The following WTIP variants were observed in gnomAD, a reference collection of about 807,000 sequenced individuals.
The protein encoded by WTIP is Wilms tumor protein 1-interacting protein.
WTIP carries 23 observed loss-of-function variants against 41.7 expected under a neutral mutation model. That is an observed-to-expected ratio of 0.55 (90% CI 0.40 to 0.78). WTIP has a LOEUF of 0.78. Among genes scored for constraint, WTIP ranks in the 30% least tolerant of loss-of-function variants. WTIP has a pLI of 0.00. For missense variants in WTIP, 619 were observed against 610.5 expected (o/e 1.01, Z -0.15); for synonymous variants, 314 against 269.9 (o/e 1.16, Z -1.60).
rs781203021 is a variant in WTIP at position 34,490,406 on chromosome 19, A to G, written c.698A>G (p.Tyr233Cys). Reference sequence around the variant, plus strand: ...TGCATCAAGTGTGGGCTTGGCATCTACGGAGCCCAGCAGGCGTGCCAGGCA... The same window carrying G: ...TGCATCAAGTGTGGGCTTGGCATCTGCGGAGCCCAGCAGGCGTGCCAGGCA... ...GICIKCGLGI[Y>C]GAQQACQAMG... Residue 233 changes from tyrosine (Y) to cysteine (C), a missense_variant, in exon 2 of 8, where the codon TAC (tyrosine) becomes TGC (cysteine). Physicochemically the swap from Tyr to Cys is radical, Grantham distance 194 (BLOSUM62 -2). Around this residue, in one of 3 missense-constraint regions of WTIP, gnomAD observed 164 missense variants for 219.1 expected, o/e 0.75. Transcript: ENST00000590071. 1.2e-5 allele frequency: 20 copies of G among 1,613,790 alleles called. No individual in the cohort carries two copies. In the Admixed American group the frequency reaches 1.3e-4, roughly 11 times the overall value.
intron 1 of WTIP, among the ~76,000 whole-genome samples, chr19:34,483,917 C>CT (rs61308943): frequency 0.023 from 1,525 of 66,878 alleles, 228 homozygotes; most frequent in African/African-American, 0.026. Context: ...TGAACTGGAT[C>CT]TTTTTTTTTT....
chr19:34,490,464 C>T lies in WTIP; in HGVS notation c.756C>T (p.Thr252=), dbSNP rs2075820033. Residue 252 remains threonine (T), a synonymous_variant, in exon 2 of 8, where the codon ACC becomes ACT. Coordinates refer to ENST00000590071, the MANE Select transcript of WTIP (RefSeq NM_001080436.2). ...GTCTTTATCACACTGACTGCTTCAC[C>T]TGCGACTCGTGTGGTAGGTAACCTC... The part of the protein sequence containing the change: ...MGSLYHTDCF[T]CDSCGRRLRG... 6.2e-7 allele frequency: 1 copy of T among 1,613,940 alleles called. No individual in the cohort carries two copies. Among genetic ancestry groups the T allele is most frequent in the Non-Finnish European group, 8.5e-7 (1 of 1,179,852 alleles).
In WTIP at chr19:34,482,585, C is replaced by T. The variant is rs1190764873; in HGVS notation, c.611C>T (p.Ala204Val). 6.5e-6 allele frequency: 8 copies of T among 1,230,564 alleles called. No individual in the cohort carries two copies. In the South Asian group the frequency reaches 3.3e-4, roughly 50 times the overall value. 76.2% of individuals were successfully genotyped at this position (1,230,564 alleles called of 1,614,324 possible). A position where few individuals can be genotyped will look rare whatever the true frequency, so the allele number is the denominator to read the frequency against. The change falls in exon 1 of 8, where the codon GCG becomes GTG. Residue 204 changes from alanine to valine, a missense_variant. Physicochemically the swap from Ala to Val is moderately conservative, Grantham distance 64. Transcript: ENST00000590071. ...AGCGCGGCCGAGCGGCGGCTGGAGG[C>T]GCTCACCCGGGAGCTGGAGCGGGCG... ...GPSAAERRLEALTRELERALE... is the reference protein window; with the variant it reads ...GPSAAERRLEVLTRELERALE...
At position 34,511,263 on chromosome 19, in the gene WTIP, G is replaced by A. The variant is rs1489656145; in HGVS notation, c.*10994G>A. 1 of 152,148 alleles carries A rather than the reference G, an allele frequency of 6.6e-6. No homozygotes were observed. The highest frequency in any genetic ancestry group is 1.5e-5 in the Non-Finnish European group (1 of 68,068). The allele number at this position is 152,148 out of a possible 1,614,324, so 9.4% of individuals were successfully genotyped here. A position where few individuals can be genotyped will look rare whatever the true frequency, so the allele number is the denominator to read the frequency against. On this transcript the variant is annotated 3_prime_UTR_variant, in exon 8 of 8. Transcript: ENST00000590071. ...GTGGTAGCGGCAAGAGAAAATGAAG[G>A]GTGCAAAAGCGGAAACCCTCGATAA...
chr19:34,505,335 C>G lies in WTIP; in HGVS notation c.*5066C>G, dbSNP rs1262572104. 2 of 152,312 alleles carry G rather than the reference C, an allele frequency of 1.3e-5. No homozygotes were observed. Among genetic ancestry groups the G allele is most frequent in the Non-Finnish European group, 2.9e-5 (2 of 68,148 alleles). The allele number at this position is 152,312 out of a possible 1,614,324, so 9.4% of individuals were successfully genotyped here. ...GTGGACGCGGCTCCTCTCCTTCCACCCACTTCCCTGGCCCTGAGGGCATTG... is the reference window on the plus strand; with the variant it reads ...GTGGACGCGGCTCCTCTCCTTCCACGCACTTCCCTGGCCCTGAGGGCATTG... On this transcript the variant is annotated 3_prime_UTR_variant, in exon 8 of 8. Transcript: ENST00000590071.
intron 1 of WTIP, among the ~76,000 whole-genome samples, chr19:34,486,959 C>A (rs1361976794): frequency 2.7e-5 from 4 of 150,776 alleles, no homozygotes; most frequent in Non-Finnish European, 4.4e-5. Flanking sequence ...GAGACAGGAT[C>A]TAGCTCTGTT....
intron 2 of WTIP, among the ~76,000 whole-genome samples, chr19:34,491,073 C>T (rs112329803): frequency 6.6e-6 from 1 of 151,936 alleles, no homozygotes; most frequent in Admixed American, 6.6e-5. Context: ...AGTGATCCGC[C>T]TGCCTCGGCC....
Position 34,482,347 on chromosome 19 carries a change from C to G in WTIP, c.373C>G (p.Arg125Gly), listed in dbSNP as rs1465584190. The G allele has an allele frequency of 7.2e-7, 1 of 1,384,720 alleles. No individual in the cohort carries two copies. Among genetic ancestry groups the G allele is most frequent in the Non-Finnish European group, 9.4e-7 (1 of 1,063,952 alleles). 85.8% of individuals were successfully genotyped at this position (1,384,720 alleles called of 1,614,324 possible). A position where few individuals can be genotyped will look rare whatever the true frequency, so the allele number is the denominator to read the frequency against. The change falls in exon 1 of 8, where the codon CGC becomes GGC. Residue 125 changes from arginine (R) to glycine (G), a missense_variant. This residue lies in a region of WTIP where 363 missense variants were observed against 309.0 expected (regional missense o/e 1.17). Coordinates refer to ENST00000590071, the MANE Select transcript of WTIP (RefSeq NM_001080436.2). ...DQRHGSPRSG[R>G]SDPRPGPGPP... ...GCGCCACGGCAGCCCGCGCTCCGGTCGCTCGGACCCGCGTCCCGGTCCCGG... is the reference window on the plus strand; with the variant it reads ...GCGCCACGGCAGCCCGCGCTCCGGTGGCTCGGACCCGCGTCCCGGTCCCGG...
chr19:34,491,765 C>T (rs746173669), intron 2 of WTIP, among the ~76,000 whole-genome samples: 2 of 152,174 alleles, frequency 1.3e-5, no homozygotes, highest in Non-Finnish European at 2.9e-5. Flanking sequence ...CTGCCTCAGC[C>T]TCCCGAGTAG....
In WTIP at chr19:34,482,546, G is replaced by A. The variant is rs1230026447; in HGVS notation, c.572G>A (p.Arg191Gln). Residue 191 changes from arginine (R) to glutamine (Q), a missense_variant, in exon 1 of 8, where the codon CGG becomes CAG. Arg to Gln is a conservative substitution (Grantham distance 43, BLOSUM62 1). Coordinates refer to ENST00000590071, the MANE Select transcript of WTIP (RefSeq NM_001080436.2). ...PLPALPLPPG[R>Q]EGGPSAAERR... ...CCTGCACTCCCGCTGCCCCCTGGCCGGGAGGGCGGCCCAAGCGCGGCCGAG... is the reference window on the plus strand; with the variant it reads ...CCTGCACTCCCGCTGCCCCCTGGCCAGGAGGGCGGCCCAAGCGCGGCCGAG... The A allele has an allele frequency of 8.1e-7, 1 of 1,229,214 alleles. No individual in the cohort carries two copies. The highest frequency in any genetic ancestry group is 1.0e-6 in the Non-Finnish European group (1 of 987,282). The allele number at this position is 1,229,214 out of a possible 1,614,324, so 76.1% of individuals were successfully genotyped here.
chr19:34,493,731 C>T lies in WTIP; in HGVS notation c.1031+109C>T. The T allele has an allele frequency of 1.4e-6, 2 of 1,457,350 alleles. No individual in the cohort carries two copies. The highest frequency in any genetic ancestry group is 2.3e-5 in the East Asian group (1 of 43,632). The allele number at this position is 1,457,350 out of a possible 1,614,324, so 90.3% of individuals were successfully genotyped here. On this transcript the variant is annotated intron_variant, in intron 5 of 7. Coordinates refer to ENST00000590071, the MANE Select transcript of WTIP (RefSeq NM_001080436.2). The surrounding 1 kb of genome is among the most constrained non-coding windows in gnomAD (Gnocchi z 4.1). ...ACTGCCCTTTGTTCTTGGCCTTTTG[C>T]CTTCCGCCTCCCCTTGTACACCTGG...
Position 34,500,167 on chromosome 19 carries a change from T to C in WTIP, c.1191T>C (p.Arg397=). The C allele has an allele frequency of 1.2e-6, 2 of 1,602,208 alleles. No homozygotes were observed. Among genetic ancestry groups the C allele is most frequent in the Non-Finnish European group, 8.5e-7 (1 of 1,179,776 alleles). Residue 397 remains arginine (R), a synonymous_variant, in exon 8 of 8, where the codon CGT becomes CGC. Transcript: ENST00000590071. ...AGCTGAGCGGGGAGGAGGGACGCCG[T>C]TGCTATCCCCTGGCGGGCCACCTAC... ...GLQLSGEEGR[R]CYPLAGHLLC... is the part of the protein sequence containing the mutation.
intron 2 of WTIP, among the ~76,000 whole-genome samples, chr19:34,491,332 AT>A (rs1477516633): frequency 1.5e-4 from 22 of 145,732 alleles, no homozygotes; most frequent in East Asian, 2.6e-4. Flanking sequence ...TTTTAATTTT[AT>A]ATTTTTTTTT....
At chr19:34,488,040 C>T (rs1427443269) in intron 1 of WTIP, among the ~76,000 whole-genome samples, 1 of 152,136 alleles carries the variant, frequency 6.6e-6, no homozygotes, top group East Asian at 1.9e-4. Flanking sequence ...ATCATAGGCA[C>T]CTGCACAGCA....
rs942775213 is a variant in WTIP, at chr19:34,502,962, C to G, written c.*2693C>G. The stretch of plus-strand genomic sequence containing the variant: ...AGCCGGGTTTCTCCTTGTTGCCAAC[C>G]CGGTCCTTCTCCTCCCCTTCCTTTG... On this transcript the variant is annotated 3_prime_UTR_variant, in exon 8 of 8. Coordinates refer to ENST00000590071, the MANE Select transcript of WTIP (RefSeq NM_001080436.2). 1.3e-5 allele frequency: 2 copies of G among 152,600 alleles called. No homozygotes were observed. The highest frequency in any genetic ancestry group is 2.9e-5 in the Non-Finnish European group (2 of 68,360). 9.5% of individuals were successfully genotyped at this position (152,600 alleles called of 1,614,324 possible).
At position 34,507,444 on chromosome 19, in the gene WTIP, A is replaced by AAC. The variant is rs1491182329; in HGVS notation, c.*7176_*7177insCA. ...ACATAAACCAAAAAAAAAAAAAAAA[A>AAC]AATTCCAGACTGTCCCCTTTGGATG... On this transcript the variant is annotated 3_prime_UTR_variant, in exon 8 of 8. Coordinates refer to ENST00000590071, the MANE Select transcript of WTIP (RefSeq NM_001080436.2). 6.6e-6 allele frequency: 1 copy of AAC among 151,724 alleles called. No homozygotes were observed. Among genetic ancestry groups the AAC allele is most frequent in the Non-Finnish European group, 1.5e-5 (1 of 67,958 alleles). The allele number at this position is 151,724 out of a possible 1,614,324, so 9.4% of individuals were successfully genotyped here. A position where few individuals can be genotyped will look rare whatever the true frequency, so the allele number is the denominator to read the frequency against.
Position 34,490,365 on chromosome 19 carries a change from T to G in WTIP, c.668-11T>G. ...GCTAACCCCTGCTCTCTCCTGCCTC[T>G]CCTCTCCTAGGCATTTGCATCAAGT... On this transcript the variant is annotated splice_polypyrimidine_tract_variant and intron_variant, in intron 1 of 7. Coordinates refer to ENST00000590071, the MANE Select transcript of WTIP (RefSeq NM_001080436.2). 1 of 1,613,522 alleles carries G rather than the reference T, an allele frequency of 6.2e-7. No individual in the cohort carries two copies. Among genetic ancestry groups the G allele is most frequent in the Non-Finnish European group, 8.5e-7 (1 of 1,179,470 alleles).
In WTIP at chr19:34,501,447, G is replaced by T; in HGVS notation, c.*1178G>T. ...CCCGGGACACACTGACGGGAATGTG[G>T]GGTCTGGACATGGGAGGCCCTGGTC... On this transcript the variant is annotated 3_prime_UTR_variant, in exon 8 of 8. Coordinates refer to ENST00000590071, the MANE Select transcript of WTIP (RefSeq NM_001080436.2). 6.6e-6 allele frequency: 1 copy of T among 152,416 alleles called. No homozygotes were observed. The allele number at this position is 152,416 out of a possible 1,614,324, so 9.4% of individuals were successfully genotyped here.
In WTIP at chr19:34,500,182, G is replaced by A. The variant is rs763860074; in HGVS notation, c.1206G>A (p.Ala402=). The change falls in exon 8 of 8, where the codon GCG becomes GCA. Residue 402 remains alanine, a synonymous_variant. Transcript: ENST00000590071. The stretch of plus-strand genomic sequence containing the variant: ...AGGGACGCCGTTGCTATCCCCTGGC[G>A]GGCCACCTACTGTGTCGTCGTTGCC... ...GEEGRRCYPL[A]GHLLCRRCHL... 1 of 1,603,616 alleles carries A rather than the reference G, an allele frequency of 6.2e-7. No homozygotes were observed. The highest frequency in any genetic ancestry group is 8.5e-7 in the Non-Finnish European group (1 of 1,179,756).
Sources: allele counts gnomAD v4.1 joint callset (sites outside exome capture counted in the v4.1 genomes callset), GRCh38; gene constraint gnomAD v4.1.1; regional missense constraint gnomAD v4.1.1; non-coding constraint Gnocchi (gnomAD v3.1); transcripts MANE v1.5; gene names NCBI Gene and HGNC (gene_info 2026-07-23, HGNC 2026-07-21).